The following EIF2S2 variants were observed in gnomAD, a reference collection of about 807,000 sequenced individuals.
EIF2S2 encodes the protein eukaryotic translation initiation factor 2 subunit beta.
EIF2S2 carries 4 observed loss-of-function variants against 44.0 expected under a neutral mutation model. The ratio of observed to expected loss-of-function variants is 0.09; its 90% confidence interval spans 0.04 to 0.21. EIF2S2 has a LOEUF of 0.21. EIF2S2 is among the 10% of genes least tolerant of loss of function. EIF2S2 has a pLI of 1.00. For missense variants in EIF2S2, 154 were observed against 392.0 expected (o/e 0.39, Z 5.13); for synonymous variants, 108 against 128.3 (o/e 0.84, Z 1.07).
intron 7 of EIF2S2, 127 bp from the exon 8 acceptor site, chr20:34,090,729 C>G (rs182373603): frequency 1.4e-4 from 74 of 511,594 alleles, no homozygotes; most frequent in African/African-American, 1.3e-3. Flanking sequence ...AGGACTGGTG[C>G]TATACTACTT....
intron 6 of EIF2S2, 91 bp downstream of exon 6, chr20:34,096,566 T>C (rs1337440858): frequency 3.0e-6 from 4 of 1,324,708 alleles, no homozygotes; most frequent in Non-Finnish European, 3.1e-6. Context: ...TTTCCATCTA[T>C]AATAAAGTCG....
At chr20:34,094,007 C>T (rs1027591186) in intron 6 of EIF2S2, among the ~76,000 whole-genome samples, 21 of 152,192 alleles carry the variant, frequency 1.4e-4, no homozygotes, top group Non-Finnish European at 2.6e-4. Context: ...CCTCCCATCT[C>T]AGCCTCCCAA....
At chr20:34,097,248 T>G (rs1048331702) in intron 5 of EIF2S2, among the ~76,000 whole-genome samples, 168 bp downstream of exon 5, 5 of 152,250 alleles carry the variant, frequency 3.3e-5, no homozygotes, top group African/African-American at 1.2e-4. Flanking sequence ...CTGGGCAGGC[T>G]GCCCCACGGG....
At position 34,089,508 on chromosome 20, in the gene EIF2S2, C is replaced by G. The variant is rs894040412; in HGVS notation, c.*222G>C. 5 of 478,962 alleles carry G rather than the reference C, an allele frequency of 1.0e-5. No homozygotes were observed. In the East Asian group the frequency reaches 1.0e-4, roughly 10 times the overall value. 29.7% of individuals were successfully genotyped at this position (478,962 alleles called of 1,614,324 possible). On this transcript the variant is annotated 3_prime_UTR_variant, in exon 9 of 9. Coordinates refer to ENST00000374980, the MANE Select transcript of EIF2S2 (RefSeq NM_003908.5). Reference sequence around the variant, plus strand: ...TCTATGAACGATTTTAAAAAAGCACCTCCTTACCCCATATCACGTTTCTCT... The same window carrying G: ...TCTATGAACGATTTTAAAAAAGCACGTCCTTACCCCATATCACGTTTCTCT...
At chr20:34,097,553 C>A in intron 4 of EIF2S2, 37 bp from the exon 5 acceptor site, 1 of 1,563,070 alleles carries the variant, frequency 6.4e-7, no homozygotes, top group Non-Finnish European at 8.7e-7. Context: ...GAGGGGTGGG[C>A]CCTACTACAA....
chr20:34,102,032 T>A (rs1426789654), intron 3 of EIF2S2, among the ~76,000 whole-genome samples: 1 of 152,156 alleles, frequency 6.6e-6, no homozygotes, highest in African/African-American at 2.4e-5. Flanking sequence ...GAAATTCAGG[T>A]GGGAGAGTAG....
chr20:34,098,746 T>C, intron 3 of EIF2S2, 113 bp from the exon 4 acceptor site: 1 of 1,301,614 alleles, frequency 7.7e-7, no homozygotes, highest in South Asian at 1.5e-5. Context: ...CAGGCTAGTC[T>C]CAAACTCCTG....
intron 1 of EIF2S2, among the ~76,000 whole-genome samples, chr20:34,106,476 G>A (rs768956436): frequency 8.1e-5 from 12 of 148,248 alleles, no homozygotes; most frequent in Non-Finnish European, 1.2e-4. Context: ...CTGCTGCCCA[G>A]GTTGGAGTGC....
At chr20:34,102,008 C>T (rs182502852) in intron 3 of EIF2S2, among the ~76,000 whole-genome samples, 1 of 152,230 alleles carries the variant, frequency 6.6e-6, no homozygotes, top group East Asian at 1.9e-4. Context: ...TTTCAAAAGC[C>T]CTCGGATGGT....
At chr20:34,093,484 T>C (rs1240081552) in intron 7 of EIF2S2, among the ~76,000 whole-genome samples, 191 bp downstream of exon 7, 1 of 152,234 alleles carries the variant, frequency 6.6e-6, no homozygotes, top group African/African-American at 2.4e-5. Context: ...TGTTCAGATG[T>C]CAACTCTGTG....
At chr20:34,107,177 C>T (rs765244954) in intron 1 of EIF2S2, among the ~76,000 whole-genome samples, 7 of 148,816 alleles carry the variant, frequency 4.7e-5, no homozygotes, top group African/African-American at 1.5e-4. Context: ...GACTCGGTCT[C>T]GAAAAAAAAA....
At chr20:34,108,716 T>C (rs1198543647) in intron 1 of EIF2S2, among the ~76,000 whole-genome samples, 2 of 152,200 alleles carry the variant, frequency 1.3e-5, no homozygotes, top group East Asian at 1.9e-4. Flanking sequence ...AAAGAAAAGG[T>C]ATACCAGCTA....
intron 7 of EIF2S2, among the ~76,000 whole-genome samples, chr20:34,091,676 G>A (rs1307403738): frequency 2.8e-5 from 4 of 140,958 alleles, no homozygotes; most frequent in African/African-American, 7.8e-5. Context: ...CAAGATCCAC[G>A]CCACTGCACT....
chr20:34,100,376 G>A (rs1261206019), intron 3 of EIF2S2, among the ~76,000 whole-genome samples: 1 of 152,162 alleles, frequency 6.6e-6, no homozygotes, highest in Non-Finnish European at 1.5e-5. Flanking sequence ...CCTCTCTGGA[G>A]GTGGCAGGGG....
chr20:34,095,970 C>T (rs1347006467), intron 6 of EIF2S2, among the ~76,000 whole-genome samples: 1 of 152,136 alleles, frequency 6.6e-6, no homozygotes, highest in African/African-American at 2.4e-5. Flanking sequence ...CTGACTCTGG[C>T]ATAGAATGTG....
intron 7 of EIF2S2, among the ~76,000 whole-genome samples, chr20:34,093,421 G>C (rs2034190538): frequency 6.6e-6 from 1 of 152,170 alleles, no homozygotes; most frequent in Non-Finnish European, 1.5e-5. Context: ...TTAGTAACAG[G>C]AAAGTCTAAA....
At chr20:34,099,725 G>T (rs1158490333) in intron 3 of EIF2S2, among the ~76,000 whole-genome samples, 3 of 152,068 alleles carry the variant, frequency 2.0e-5, no homozygotes, top group Non-Finnish European at 4.4e-5. Flanking sequence ...TCCCACATTC[G>T]CCATCAAGAG....
rs549249115 is a variant in EIF2S2 at position 34,094,187 on chromosome 20, T to C, written c.684-456A>G. Among the ~76,000 whole-genome samples the C allele has an allele frequency of 5.3e-5, 8 of 152,322 alleles. No homozygotes were observed. The East Asian group carries it at 5.8e-4, about 11-fold the overall frequency. The stretch of plus-strand genomic sequence containing the variant: ...GATTACAGATGTGAACTGAGCCAGA[T>C]AGCACTTGTTTACACTTCAATGCCC... On this transcript the variant is annotated intron_variant, in intron 6 of 8. Transcript: ENST00000374980.
chr20:34,100,490 T>G (rs1477619520), intron 3 of EIF2S2, among the ~76,000 whole-genome samples: 1 of 152,220 alleles, frequency 6.6e-6, no homozygotes, highest in Non-Finnish European at 1.5e-5. Flanking sequence ...GATCCCTTAC[T>G]CATTAATTAG....
Sources: gnomAD v4.1 joint callset for allele counts (sites outside exome capture counted in the v4.1 genomes callset) on GRCh38, gnomAD v4.1.1 for gene constraint, MANE v1.5 for transcripts, NCBI Gene and HGNC (gene_info 2026-07-23, HGNC 2026-07-21) for gene names.